Variants in MAST4 observed in about 807,000 individuals in gnomAD.
MAST4 encodes the protein microtubule-associated serine/threonine-protein kinase 4.
In MAST4, 89 loss-of-function variants were observed where a neutral mutation model predicts 162.7. The observed-to-expected ratio is 0.55, with a 90% CI of 0.46 to 0.65. The LOEUF (loss-of-function observed/expected upper bound fraction) is 0.65, where lower values mean the gene tolerates loss of function less well. Ranked by LOEUF, MAST4 falls within the 30% of genes least tolerant of loss-of-function variation. The pLI is 0.00. For synonymous variants in MAST4, 1,479 were observed against 1,361.1 expected, an observed-to-expected ratio of 1.09 and a Z score of -1.91; for missense variants, 3,153 against 3,374.0, an observed-to-expected ratio of 0.93 and a Z score of 1.62.
At chr5:66,940,951 A>G (rs547388851) in intron 4 of MAST4, among the ~76,000 whole-genome samples, 1 of 152,292 alleles carries the variant, frequency 6.6e-6, no homozygotes, top group South Asian at 2.1e-4. Flanking sequence ...ATTTCTTTGT[A>G]CATCTTCAAT....
chr5:67,115,527 AG>A (rs1766793474), intron 12 of MAST4, among the ~76,000 whole-genome samples: 2 of 152,378 alleles, frequency 1.3e-5, no homozygotes, highest in African/African-American at 4.8e-5. Flanking sequence ...TACTGAAAGC[AG>A]TTCCACAACA....
At chr5:67,044,743 C>A (rs1042343220) in intron 4 of MAST4, among the ~76,000 whole-genome samples, 4 of 152,190 alleles carry the variant, frequency 2.6e-5, no homozygotes, top group South Asian at 2.1e-4. Context: ...AGACTCCTGG[C>A]CTTAACGAGC....
intron 3 of MAST4, among the ~76,000 whole-genome samples, chr5:66,829,857 A>T (rs199824501): frequency 6.6e-6 from 1 of 151,144 alleles, no homozygotes; most frequent in Admixed American, 6.6e-5. Flanking sequence ...TATAATATTA[A>T]TATAGGCAAC....
intron 3 of MAST4, among the ~76,000 whole-genome samples, chr5:66,877,970 A>AT (rs1230709557): frequency 1.3e-5 from 2 of 152,280 alleles, no homozygotes; most frequent in East Asian, 1.9e-4. Flanking sequence ...CTTTTCATTG[A>AT]TTTTTTTACT....
Position 66,664,901 on chromosome 5 carries a change from A to G in MAST4, c.363+67883A>G, listed in dbSNP as rs138959506. Among the ~76,000 whole-genome samples, 249 of 152,284 alleles carry G rather than the reference A, an allele frequency of 1.6e-3. 2 individuals carry two copies. The highest frequency in any genetic ancestry group is 5.8e-3 in the African/African-American group (240 of 41,560). On this transcript the variant is annotated intron_variant, in intron 1 of 28. Transcript: ENST00000403625. Reference sequence around the variant, plus strand: ...AATGAAGAACTTAAAGGAAGATTAGACTCACCTGAAAAGAGAGTTAACTGG... The same window carrying G: ...AATGAAGAACTTAAAGGAAGATTAGGCTCACCTGAAAAGAGAGTTAACTGG...
intron 3 of MAST4, among the ~76,000 whole-genome samples, chr5:66,807,498 G>A (rs1165323586): frequency 1.5e-5 from 2 of 134,468 alleles, no homozygotes; most frequent in Non-Finnish European, 3.4e-5. Context: ...GCGAGACTCC[G>A]TCTCAAAAAA....
intron 3 of MAST4, among the ~76,000 whole-genome samples, chr5:66,892,780 G>C (rs765936848): frequency 1.7e-4 from 26 of 152,136 alleles, no homozygotes; most frequent in Non-Finnish European, 3.7e-4. Flanking sequence ...AATTGGAACT[G>C]GATGACATAG....
intron 2 of MAST4, among the ~76,000 whole-genome samples, chr5:66,771,244 G>T (rs779951485): frequency 1.9e-4 from 29 of 151,832 alleles, no homozygotes; most frequent in Non-Finnish European, 3.5e-4. Flanking sequence ...GAGTGCAGTG[G>T]TGCAATCTTG....
Position 66,792,823 on chromosome 5 carries a change from G to C in MAST4, c.642+4029G>C, listed in dbSNP as rs1289837520. 5.9e-5 allele frequency among the ~76,000 whole-genome samples: 9 copies of C among 152,112 alleles called. No individual in the cohort carries two copies. In the East Asian group the frequency reaches 1.7e-3, roughly 29 times the overall value. ...TTTAAGCAATCATATAGTCACATTT[G>C]TTTATATATTTTGATTCATTGACTA... On this transcript the variant is annotated intron_variant, in intron 3 of 28. Coordinates refer to ENST00000403625, the MANE Select transcript of MAST4 (RefSeq NM_001164664.2).
At chr5:66,762,505 G>A (rs192756794) in intron 2 of MAST4, among the ~76,000 whole-genome samples, 19 of 152,252 alleles carry the variant, frequency 1.2e-4, no homozygotes, top group Admixed American at 4.6e-4. Context: ...TACCCTTATC[G>A]ACTGGCTTGC....
intron 5 of MAST4, among the ~76,000 whole-genome samples, chr5:67,069,237 A>C (rs1760607032): frequency 6.8e-6 from 1 of 146,270 alleles, no homozygotes; most frequent in Admixed American, 6.8e-5. Context: ...GACTTTGAAC[A>C]ATTCTCTTAA....
At chr5:66,615,278 A>G (rs1300593914) in intron 1 of MAST4, among the ~76,000 whole-genome samples, 1 of 152,182 alleles carries the variant, frequency 6.6e-6, no homozygotes, top group Non-Finnish European at 1.5e-5. Flanking sequence ...ATGAGGCAAC[A>G]GAGGACACTG....
At chr5:67,147,062 G>A (rs533075247) in intron 23 of MAST4, among the ~76,000 whole-genome samples, 1 of 152,070 alleles carries the variant, frequency 6.6e-6, no homozygotes, top group South Asian at 2.1e-4. Context: ...GGGAAGGGAG[G>A]GGAATCGTGT....
At chr5:66,983,792 G>A (rs953239992) in intron 4 of MAST4, among the ~76,000 whole-genome samples, 1 of 152,206 alleles carries the variant, frequency 6.6e-6, no homozygotes, top group Non-Finnish European at 1.5e-5. Context: ...CTTAGTAGAG[G>A]TGGAGCTCCT....
chr5:66,779,347 T>C (rs1580430213), intron 2 of MAST4, among the ~76,000 whole-genome samples: 1 of 151,548 alleles, frequency 6.6e-6, no homozygotes, highest in African/African-American at 2.4e-5. Context: ...GCACTTAGAG[T>C]CACGACTCTG....
At position 66,903,975 on chromosome 5, in the gene MAST4, G is replaced by C. The variant is rs7712733; in HGVS notation, c.674+3993G>C. Among the ~76,000 whole-genome samples, 1,363 of 152,276 alleles carry C rather than the reference G, an allele frequency of 9.0e-3. 21 individuals are homozygous for C. Among genetic ancestry groups the C allele is most frequent in the African/African-American group, 0.031 (1,290 of 41,548 alleles). ...GATGGCTGGTGCCAGATCCTTCATG[G>C]TTTCAATTCAGTGTGGAACACATCA... On this transcript the variant is annotated intron_variant, in intron 4 of 28. Coordinates refer to ENST00000403625, the MANE Select transcript of MAST4 (RefSeq NM_001164664.2).
chr5:66,970,967 G>A (rs1470016878), intron 4 of MAST4, among the ~76,000 whole-genome samples: 3 of 152,158 alleles, frequency 2.0e-5, no homozygotes, highest in African/African-American at 7.2e-5. Context: ...AAACCTCCAG[G>A]TTTGACCAAC....
At chr5:66,630,425 C>G (rs6895643) in intron 1 of MAST4, among the ~76,000 whole-genome samples, 104,112 of 151,956 alleles carry the variant, frequency 0.69, 36,345 homozygotes, top group East Asian at 0.87. Context: ...TTGTGATTTG[C>G]GGGGAGGTGA....
intron 11 of MAST4, among the ~76,000 whole-genome samples, chr5:67,113,006 G>A (rs1243090687): frequency 6.6e-6 from 1 of 152,116 alleles, no homozygotes; most frequent in East Asian, 1.9e-4. Context: ...GGTTTCAGGA[G>A]TGGTATTTCA....
Sources: gnomAD v4.1 joint callset for allele counts (sites outside exome capture counted in the v4.1 genomes callset) on GRCh38, gnomAD v4.1.1 for gene constraint, MANE v1.5 for transcripts, NCBI Gene and HGNC (gene_info 2026-07-23, HGNC 2026-07-21) for gene names.